The following PLEKHG1 variants were observed in gnomAD, a reference collection of about 807,000 sequenced individuals.
PLEKHG1 encodes the protein pleckstrin homology domain-containing family G member 1.
PLEKHG1 carries 44 observed loss-of-function variants against 100.8 expected under a neutral mutation model. The ratio of observed to expected loss-of-function variants is 0.44; its 90% confidence interval spans 0.34 to 0.56. PLEKHG1 has a LOEUF of 0.56. PLEKHG1 is among the 20% of genes least tolerant of loss of function. PLEKHG1 has a pLI of 0.01. For missense variants in PLEKHG1, 1,545 were observed against 1,720.9 expected (o/e 0.90, Z 1.81); for synonymous variants, 640 against 662.5 (o/e 0.97, Z 0.52).
chr6:150,664,920 T>G (rs1223914562), intron 3 of PLEKHG1, among the ~76,000 whole-genome samples: 1 of 152,154 alleles, frequency 6.6e-6, no homozygotes, highest in East Asian at 1.9e-4. Flanking sequence ...CCTTTGTCTT[T>G]AGGATTTAGA....
chr6:150,692,243 T>G (rs1780372799), intron 3 of PLEKHG1, among the ~76,000 whole-genome samples: 1 of 152,242 alleles, frequency 6.6e-6, no homozygotes, highest in South Asian at 2.1e-4. Context: ...ACCCATTTTA[T>G]AAATAATGGC....
At chr6:150,790,071 G>A (rs560844213) in intron 4 of PLEKHG1, among the ~76,000 whole-genome samples, 2 of 152,158 alleles carry the variant, frequency 1.3e-5, no homozygotes, top group African/African-American at 4.8e-5. Context: ...CCCAGGCTGG[G>A]GTGCAGTGGT....
Position 150,796,001 on chromosome 6 carries a change from G to A in PLEKHG1, c.629+99G>A. The A allele has an allele frequency of 7.7e-6, 6 of 776,160 alleles. No homozygotes were observed. In the South Asian group the frequency reaches 9.5e-5, roughly 12 times the overall value. The allele number at this position is 776,160 out of a possible 1,614,324, so 48.1% of individuals were successfully genotyped here. A position where few individuals can be genotyped will look rare whatever the true frequency, so the allele number is the denominator to read the frequency against. On this transcript the variant is annotated intron_variant, in intron 5 of 15. Coordinates refer to ENST00000358517, the Ensembl canonical transcript of PLEKHG1. The stretch of plus-strand genomic sequence containing the variant: ...ATGGTTGTTAGGCATTCTGTGCCTG[G>A]CCTTGTGCTGAATACTATGGGAAGA...
chr6:150,807,846 A>G (rs1787227455), intron 7 of PLEKHG1, among the ~76,000 whole-genome samples: 1 of 152,074 alleles, frequency 6.6e-6, no homozygotes, highest in South Asian at 2.1e-4. Flanking sequence ...GTGGGTGCCT[A>G]TAATCCCAGC....
At chr6:150,602,064 C>A (rs1256548134) in intron 1 of PLEKHG1, among the ~76,000 whole-genome samples, 1 of 152,200 alleles carries the variant, frequency 6.6e-6, no homozygotes, top group African/African-American at 2.4e-5. Context: ...TGTGTTCCCC[C>A]TTTGCGGATA....
At chr6:150,809,854 G>C in intron 10 of PLEKHG1, 120 bp downstream of exon 11, 2 of 566,350 alleles carry the variant, frequency 3.5e-6, no homozygotes, top group South Asian at 4.8e-5. Flanking sequence ...GGGCGACAGA[G>C]TGAGACTGTC....
chr6:150,614,169 G>A (rs959779219), intron 1 of PLEKHG1, among the ~76,000 whole-genome samples: 2 of 152,184 alleles, frequency 1.3e-5, no homozygotes, highest in Non-Finnish European at 2.9e-5. Context: ...TGGCAGAGAC[G>A]TACGATAGCT....
At position 150,825,285 on chromosome 6, in the gene PLEKHG1, G is replaced by A. The variant is rs550387348; in HGVS notation, c.1470+1609G>A. Among the ~76,000 whole-genome samples the A allele has an allele frequency of 5.9e-5, 9 of 152,270 alleles. No homozygotes were observed. In the East Asian group the frequency reaches 1.7e-3, roughly 29 times the overall value. ...GAGCAGATTTACTGATGATTAAAGA[G>A]TTTGTAACAGCCAGGTGTGGTGGCA... On this transcript the variant is annotated intron_variant, in intron 14 of 15. Transcript: ENST00000358517.
chr6:150,612,700 A>G (rs558059869), intron 1 of PLEKHG1, among the ~76,000 whole-genome samples: 4 of 152,292 alleles, frequency 2.6e-5, no homozygotes, highest in African/African-American at 7.2e-5. Context: ...GTGCAATTTA[A>G]GGCAGATATC....
At chr6:150,633,539 C>T (rs1777851981) in intron 1 of PLEKHG1, among the ~76,000 whole-genome samples, 1 of 152,132 alleles carries the variant, frequency 6.6e-6, no homozygotes, top group African/African-American at 2.4e-5. Context: ...TCTCTGGGCA[C>T]TGGGAAACAT....
intron 2 of PLEKHG1, among the ~76,000 whole-genome samples, chr6:150,761,099 C>CTT (rs35068801): frequency 0.011 from 1,025 of 95,846 alleles, no homozygotes; most frequent in Non-Finnish European, 0.015. Flanking sequence ...TTCTTTTTTT[C>CTT]TTTTTTTTTT....
intron 3 of PLEKHG1, among the ~76,000 whole-genome samples, chr6:150,782,186 G>A (rs1284531142): frequency 4.6e-5 from 7 of 152,106 alleles, no homozygotes; most frequent in Non-Finnish European, 1.0e-4. Context: ...GGGAGGCTGA[G>A]GCAGGCCCAT....
chr6:150,813,158 A>G (rs1210765681), intron 10 of PLEKHG1, among the ~76,000 whole-genome samples: 1 of 152,046 alleles, frequency 6.6e-6, no homozygotes, highest in Non-Finnish European at 1.5e-5. Context: ...ACAAAAAATT[A>G]GCTAGGCGTG....
At chr6:150,684,009 A>G in intron 3 of PLEKHG1, 1 of 352,796 alleles carries the variant, frequency 2.8e-6, no homozygotes, top group Non-Finnish European at 5.5e-6. Context: ...CCGCAGGTAG[A>G]TGTCCCTGGC....
intron 14 of PLEKHG1, among the ~76,000 whole-genome samples, chr6:150,825,203 T>C (rs966993027): frequency 3.9e-5 from 6 of 152,224 alleles, no homozygotes; most frequent in African/African-American, 1.4e-4. Context: ...ATGCTTTTTT[T>C]GTGATAAAAT....
At chr6:150,736,249 C>CCATGTT (rs1782553637) in intron 2 of PLEKHG1, among the ~76,000 whole-genome samples, 2 of 152,182 alleles carry the variant, frequency 1.3e-5, no homozygotes, top group Non-Finnish European at 2.9e-5. Context: ...TAAGTTTGTG[C>CCATGTT]CATGTTTCAT....
intron 4 of PLEKHG1, among the ~76,000 whole-genome samples, chr6:150,793,973 T>C (rs1786154669): frequency 6.6e-6 from 1 of 152,118 alleles, no homozygotes; most frequent in African/African-American, 2.4e-5. Flanking sequence ...TCCCTGCTAC[T>C]TGAGAGGCTA....
At chr6:150,814,100 T>C (rs1268374280) in intron 10 of PLEKHG1, among the ~76,000 whole-genome samples, 1 of 152,040 alleles carries the variant, frequency 6.6e-6, no homozygotes, top group Non-Finnish European at 1.5e-5. Flanking sequence ...TAAGCATGAG[T>C]TTTCATTTCG....
At chr6:150,808,370 T>C (rs1476483348) in intron 7 of PLEKHG1, among the ~76,000 whole-genome samples, 3 of 152,124 alleles carry the variant, frequency 2.0e-5, no homozygotes, top group African/African-American at 7.2e-5. Context: ...TTATGTGTGG[T>C]ATGAACTTCA....
Sources: gnomAD v4.1 joint callset for allele counts (sites outside exome capture counted in the v4.1 genomes callset) on GRCh38, gnomAD v4.1.1 for gene constraint, MANE v1.5 for transcripts, NCBI Gene and HGNC (gene_info 2026-07-23, HGNC 2026-07-21) for gene names.